DSCAML1: variants seen among roughly 807,000 people sequenced by gnomAD.
The protein encoded by DSCAML1 is DS cell adhesion molecule like 1.
In DSCAML1, 38 loss-of-function variants were observed where a neutral mutation model predicts 200.5. The observed-to-expected ratio is 0.19, with a 90% CI of 0.15 to 0.25. The LOEUF is 0.25. DSCAML1 is among the 10% of genes least tolerant of loss of function. DSCAML1 has a pLI of 1.00. For synonymous variants in DSCAML1, 1,215 were observed against 1,165.0 expected, an observed-to-expected ratio of 1.04 and a Z score of -0.87; for missense variants, 2,223 against 2,858.8, an observed-to-expected ratio of 0.78 and a Z score of 5.07.
At chr11:117,749,992 T>A (rs2054579922) in intron 3 of DSCAML1, among the ~76,000 whole-genome samples, 1 of 152,182 alleles carries the variant, frequency 6.6e-6, no homozygotes, top group African/African-American at 2.4e-5. Flanking sequence ...GTTCGACATA[T>A]TAGGATTTGA....
chr11:117,451,762 C>T (rs903313867), intron 19 of DSCAML1, among the ~76,000 whole-genome samples: 1 of 151,558 alleles, frequency 6.6e-6, no homozygotes, highest in African/African-American at 2.4e-5. Flanking sequence ...TTGCAGTGAG[C>T]TGAGATCACG....
chr11:117,571,374 A>G lies in DSCAML1; in HGVS notation c.512-38852T>C, dbSNP rs142531043. 4.3e-3 allele frequency among the ~76,000 whole-genome samples: 651 copies of G among 152,274 alleles called. 4 individuals carry two copies. The highest frequency in any genetic ancestry group is 0.015 in the African/African-American group (621 of 41,566). On this transcript the variant is annotated intron_variant, in intron 3 of 32. Transcript: ENST00000651296. ...CAGAGGAGGACACTGCAGTGCAGAG[A>G]GAGGGAATGATGCTCCTGAGATCGT... is the stretch of plus-strand genomic sequence containing the variant.
intron 3 of DSCAML1, among the ~76,000 whole-genome samples, chr11:117,645,920 G>T (rs936002614): frequency 1.3e-5 from 2 of 150,756 alleles, no homozygotes; most frequent in Admixed American, 6.6e-5. Context: ...ATAAATAAAA[G>T]AAAAAAAAGA....
Position 117,780,232 on chromosome 11 carries a change from G to GAAAGAAAAAGAAAGAAAGAAAGAA in DSCAML1, c.364+260_364+261insTTCTTTCTTTCTTTCTTTTTCTTT, listed in dbSNP as rs1565280646. Among the ~76,000 whole-genome samples the GAAAGAAAAAGAAAGAAAGAAAGAA allele has an allele frequency of 1.1e-3, 34 of 29,572 alleles. No homozygotes were observed. Among genetic ancestry groups the GAAAGAAAAAGAAAGAAAGAAAGAA allele is most frequent in the African/African-American group, 5.0e-3 (31 of 6,262 alleles). 19.4% of individuals were successfully genotyped at this position (29,572 alleles called of 152,430 possible). A position where few individuals can be genotyped will look rare whatever the true frequency, so the allele number is the denominator to read the frequency against. On this transcript the variant is annotated intron_variant, in intron 2 of 32. Transcript: ENST00000651296. This position sits in a 1 kb window ranked among gnomAD's most constrained non-coding sequence, Gnocchi z 4.8. ...AAGAGAGAGAGAGAAAGAAAGAAAGGAAAGAAAGAAAGAAAGAAAGAAAGA... is the reference window on the plus strand; with the variant it reads ...AAGAGAGAGAGAGAAAGAAAGAAAGGAAAGAAAAAGAAAGAAAGAAAGAAAAAGAAAGAAAGAAAGAAAGAAAGA...
intron 3 of DSCAML1, among the ~76,000 whole-genome samples, chr11:117,548,876 C>A (rs997844047): frequency 6.6e-6 from 1 of 152,174 alleles, no homozygotes; most frequent in Non-Finnish European, 1.5e-5. Context: ...GCTGGGCTGC[C>A]GTGGAACTGT....
chr11:117,607,098 C>A (rs2051582978), intron 3 of DSCAML1, among the ~76,000 whole-genome samples: 1 of 152,238 alleles, frequency 6.6e-6, no homozygotes, highest in South Asian at 2.1e-4. Flanking sequence ...AGAGGCACAG[C>A]AGCTGGGGGA....
At chr11:117,435,976 C>T (rs2047906845) in intron 26 of DSCAML1, among the ~76,000 whole-genome samples, 177 bp from the exon 27 acceptor site, 1 of 152,222 alleles carries the variant, frequency 6.6e-6, no homozygotes, top group African/African-American at 2.4e-5. Flanking sequence ...CCTATCAGGA[C>T]AGCCATGAAC....
chr11:117,478,475 G>T (rs780709411), intron 14 of DSCAML1, among the ~76,000 whole-genome samples: 2 of 152,148 alleles, frequency 1.3e-5, no homozygotes, highest in African/African-American at 2.4e-5. Context: ...ATCCCCAGCT[G>T]CAGGGCTGCA....
chr11:117,516,540 C>T lies in DSCAML1; in HGVS notation c.1710G>A (p.Glu570=), dbSNP rs746962151. ...KLTDVQKGMD[E]GEYLCSVLIQ... ...TGAGGACACTGCACAGGTACTCCCC[C>T]TCATCCATGCCCTTCTGCACGTCAG... The change falls in exon 8 of 33, where the codon GAG becomes GAA. Residue 570 remains glutamate, a synonymous_variant. Transcript: ENST00000651296. This position sits in a 1 kb window ranked among gnomAD's most constrained non-coding sequence, Gnocchi z 5.7. The T allele has an allele frequency of 6.2e-7, 1 of 1,614,058 alleles. No individual in the cohort carries two copies. Among genetic ancestry groups the T allele is most frequent in the Non-Finnish European group, 8.5e-7 (1 of 1,180,024 alleles).
intron 3 of DSCAML1, among the ~76,000 whole-genome samples, chr11:117,730,365 C>T (rs1440781718): frequency 6.6e-6 from 1 of 152,180 alleles, no homozygotes; most frequent in South Asian, 2.1e-4. Flanking sequence ...AACAGAACCT[C>T]CCCTACAGCC....
rs779073581 is a variant in DSCAML1 at position 117,432,399 on chromosome 11, T to C, written c.5132A>G (p.Gln1711Arg). Reference sequence around the variant, plus strand: ...CATGTCGATGAGGGGTCCTGTGCTCTGGATGAGGGTTGGGTGGTGCAAGGA... The same window carrying C: ...CATGTCGATGAGGGGTCCTGTGCTCCGGATGAGGGTTGGGTGGTGCAAGGA... Reference protein sequence around the residue: ...GVSLHHPTLIQSTGPLIDMSD... With the variant: ...GVSLHHPTLIRSTGPLIDMSD... The change falls in exon 30 of 33, where the codon CAG becomes CGG. Residue 1711 changes from glutamine (Q) to arginine (R), a missense_variant. Physicochemically the swap from Gln to Arg is conservative, Grantham distance 43 (BLOSUM62 1). Coordinates refer to ENST00000651296, the MANE Select transcript of DSCAML1 (RefSeq NM_020693.4). 1.2e-6 allele frequency: 2 copies of C among 1,614,150 alleles called. No individual in the cohort carries two copies. The highest frequency in any genetic ancestry group is 1.7e-6 in the Non-Finnish European group (2 of 1,180,032).
At chr11:117,565,278 G>A (rs923185701) in intron 3 of DSCAML1, among the ~76,000 whole-genome samples, 6 of 152,124 alleles carry the variant, frequency 3.9e-5, no homozygotes, top group Non-Finnish European at 1.5e-5. Flanking sequence ...AGTGAATTGA[G>A]GATATTCATC....
chr11:117,532,431 C>A lies in DSCAML1; in HGVS notation c.603G>T (p.Lys201Asn). ...DALSTYRCITKHKYSGETRQS... is the reference protein window; with the variant it reads ...DALSTYRCITNHKYSGETRQS... ...GCCGGGTCTCCCCGCTATACTTGTG[C>A]TTGGTGATGCAGCGATAGGTGGAGA... Residue 201 changes from lysine to asparagine, a missense_variant, in exon 4 of 33, where the codon AAG becomes AAT. Lys to Asn is a moderately conservative substitution (Grantham distance 94). Transcript: ENST00000651296. 2.5e-6 allele frequency: 4 copies of A among 1,614,160 alleles called. No individual in the cohort carries two copies. The highest frequency in any genetic ancestry group is 3.4e-6 in the Non-Finnish European group (4 of 1,180,024).
intron 3 of DSCAML1, among the ~76,000 whole-genome samples, chr11:117,752,094 G>T (rs4576856): frequency 0.76 from 115,198 of 152,122 alleles, 46,612 homozygotes; most frequent in South Asian, 0.89. Flanking sequence ...AGAAGGCAGG[G>T]TCTCTCTCCC....
chr11:117,534,802 A>G (rs2050137704), intron 3 of DSCAML1, among the ~76,000 whole-genome samples: 1 of 152,128 alleles, frequency 6.6e-6, no homozygotes, highest in Non-Finnish European at 1.5e-5. Context: ...TGTAGAGATG[A>G]GGTCTCGCTA....
At position 117,528,284 on chromosome 11, in the gene DSCAML1, A is replaced by C. The variant is rs567953756; in HGVS notation, c.659-3201T>G. 4.7e-4 allele frequency among the ~76,000 whole-genome samples: 72 copies of C among 152,260 alleles called. 2 individuals are homozygous for C. The highest frequency in any genetic ancestry group is 6.8e-3 in the Middle Eastern group (2 of 294). ...AATTCCGTGGCACACTGCAGAATTT[A>C]CAAGCGGAGGGGCCATCAGGGTGGT... On this transcript the variant is annotated intron_variant, in intron 4 of 32. Coordinates refer to ENST00000651296, the MANE Select transcript of DSCAML1 (RefSeq NM_020693.4).
intron 3 of DSCAML1, among the ~76,000 whole-genome samples, chr11:117,737,085 T>A (rs184366214): frequency 6.6e-6 from 1 of 152,288 alleles, no homozygotes; most frequent in Non-Finnish European, 1.5e-5. Context: ...TGCTGTTCCT[T>A]TGAGGTCCAC....
chr11:117,430,454 A>G (rs2047762954), intron 32 of DSCAML1, among the ~76,000 whole-genome samples: 1 of 152,266 alleles, frequency 6.6e-6, no homozygotes, highest in African/African-American at 2.4e-5. Flanking sequence ...AGTAGATACT[A>G]TCGTTGGCAT....
chr11:117,624,396 T>C (rs1327268517), intron 3 of DSCAML1, among the ~76,000 whole-genome samples: 2 of 152,072 alleles, frequency 1.3e-5, no homozygotes, highest in Non-Finnish European at 2.9e-5. Flanking sequence ...AATCTGCAAA[T>C]AGAAGGGGAC....
Sources: gnomAD v4.1 joint callset for allele counts (sites outside exome capture counted in the v4.1 genomes callset) on GRCh38, gnomAD v4.1.1 for gene constraint, Gnocchi (gnomAD v3.1) non-coding constraint, MANE v1.5 for transcripts, NCBI Gene and HGNC (gene_info 2026-07-23, HGNC 2026-07-21) for gene names.